CD79A: variants seen among roughly 807,000 people sequenced by gnomAD.
The protein encoded by CD79A is B-cell antigen receptor complex-associated protein alpha chain.
In CD79A, 16 loss-of-function variants were observed where a neutral mutation model predicts 27.4. That is an observed-to-expected ratio of 0.58 (90% CI 0.40 to 0.89). CD79A has a LOEUF of 0.89. Ranked by LOEUF, CD79A falls within the 40% of genes least tolerant of loss-of-function variation. The pLI is 0.00. For missense variants in CD79A, 237 were observed against 299.7 expected, an observed-to-expected ratio of 0.79 and a Z score of 1.55; for synonymous variants, 110 against 132.7, an observed-to-expected ratio of 0.83 and a Z score of 1.18.
At position 41,877,280 on chromosome 19, in the gene CD79A, A is replaced by T. The variant is rs1555843071; in HGVS notation, c.-25A>T. ...TGGTACCCTGGGACTGCTGCAACTCAAACTAACCAACCCACTGGGAGAAGA... is the reference window on the plus strand; with the variant it reads ...TGGTACCCTGGGACTGCTGCAACTCTAACTAACCAACCCACTGGGAGAAGA... On this transcript the variant is annotated 5_prime_UTR_variant, in exon 1 of 5. Coordinates refer to ENST00000221972, the MANE Select transcript of CD79A (RefSeq NM_001783.4). This position sits in a 1 kb window ranked among gnomAD's most constrained non-coding sequence, Gnocchi z 4.1. The T allele has an allele frequency of 3.1e-6, 5 of 1,603,902 alleles. No homozygotes were observed. In the Admixed American group the frequency reaches 8.3e-5, roughly 27 times the overall value.
At position 41,877,808 on chromosome 19, in the gene CD79A, A is replaced by G. The variant is rs1306608820; in HGVS notation, c.79+425A>G. ...CTCTCTCTGTTGGGAGTCCCTTCTC[A>G]GCACTGGGGGAATGGGTGTCTCATG... On this transcript the variant is annotated intron_variant, in intron 1 of 4. Coordinates refer to ENST00000221972, the MANE Select transcript of CD79A (RefSeq NM_001783.4). This position sits in a 1 kb window ranked among gnomAD's most constrained non-coding sequence, Gnocchi z 4.1. Among the ~76,000 whole-genome samples, 1 of 152,146 alleles carries G rather than the reference A, an allele frequency of 6.6e-6. No individual in the cohort carries two copies. The highest frequency in any genetic ancestry group is 1.5e-5 in the Non-Finnish European group (1 of 68,008).
rs1346493477 is a variant in CD79A, at chr19:41,878,266, G to A, written c.80-724G>A. 1.3e-5 allele frequency among the ~76,000 whole-genome samples: 2 copies of A among 152,164 alleles called. No homozygotes were observed. Among genetic ancestry groups the A allele is most frequent in the Admixed American group, 6.5e-5 (1 of 15,280 alleles). On this transcript the variant is annotated intron_variant, in intron 1 of 4. Transcript: ENST00000221972. This position sits in a 1 kb window ranked among gnomAD's most constrained non-coding sequence, Gnocchi z 4.3. ...ACACATACAACTTACAGAGAATGAG[G>A]GCCAGGCACAGGGTCACAGGCCAGG...
In CD79A at chr19:41,879,285, G is replaced by A. The variant is rs1600631350; in HGVS notation, c.375G>A (p.Val125=). The change falls in exon 2 of 5, where the codon GTG becomes GTA. Residue 125 remains valine, a synonymous_variant. Coordinates refer to ENST00000221972, the MANE Select transcript of CD79A (RefSeq NM_001783.4). The surrounding 1 kb of genome is among the most constrained non-coding windows in gnomAD (Gnocchi z 5.1). ...AGTCCTGCGGCACCTACCTCCGCGT[G>A]CGCCGTGAGTGGCCCAGCCCTGGCC... ...YQQSCGTYLR[V]RQPPPRPFLD... The A allele has an allele frequency of 1.9e-6, 3 of 1,612,038 alleles. No homozygotes were observed. The highest frequency in any genetic ancestry group is 2.5e-6 in the Non-Finnish European group (3 of 1,179,890).
Position 41,878,875 on chromosome 19 carries a change from C to T in CD79A, c.80-115C>T. ...CTGTCAGGGGCTCTCTCTCTCCCTC[C>T]CCACCCAGGAGAGTCCTCACCCTCT... On this transcript the variant is annotated intron_variant, in intron 1 of 4. Transcript: ENST00000221972. The surrounding 1 kb of genome is among the most constrained non-coding windows in gnomAD (Gnocchi z 4.3). 1.2e-6 allele frequency: 1 copy of T among 804,404 alleles called. No individual in the cohort carries two copies. The highest frequency in any genetic ancestry group is 2.0e-6 in the Non-Finnish European group (1 of 493,430). 49.8% of individuals were successfully genotyped at this position (804,404 alleles called of 1,614,324 possible).
In CD79A at chr19:41,879,539, G is replaced by A. The variant is rs782014534; in HGVS notation, c.384G>A (p.Pro128=). The A allele has an allele frequency of 1.4e-5, 23 of 1,601,238 alleles. No individual in the cohort carries two copies. In the East Asian group the frequency reaches 2.2e-4, roughly 16 times the overall value. Residue 128 remains proline, a synonymous_variant, in exon 3 of 5, where the codon CCG becomes CCA. Transcript: ENST00000221972. The surrounding 1 kb of genome is among the most constrained non-coding windows in gnomAD (Gnocchi z 5.1). The part of the protein sequence containing the change: ...SCGTYLRVRQ[P]PPRPFLDMGE... ...AGCCATACTACCTCCTTGCAGAGCCGCCCCCCAGGCCCTTCCTGGACATGG... is the reference window on the plus strand; with the variant it reads ...AGCCATACTACCTCCTTGCAGAGCCACCCCCCAGGCCCTTCCTGGACATGG...
In CD79A at chr19:41,877,839, C is replaced by T. The variant is rs2074198126; in HGVS notation, c.79+456C>T. Reference sequence around the variant, plus strand: ...GGGGGAATGGGTGTCTCATGGACTCCCCCTCACCTGCTCAAGGACAGCTGG... The same window carrying T: ...GGGGGAATGGGTGTCTCATGGACTCTCCCTCACCTGCTCAAGGACAGCTGG... On this transcript the variant is annotated intron_variant, in intron 1 of 4. Transcript: ENST00000221972. This position sits in a 1 kb window ranked among gnomAD's most constrained non-coding sequence, Gnocchi z 4.1. Among the ~76,000 whole-genome samples the T allele has an allele frequency of 6.6e-6, 1 of 152,112 alleles. No individual in the cohort carries two copies. The highest frequency in any genetic ancestry group is 1.5e-5 in the Non-Finnish European group (1 of 68,004).
rs2074221375 is a variant in CD79A at position 41,881,002 on chromosome 19, GC to G, written c.*27del. The G allele has an allele frequency of 2.2e-6, 3 of 1,392,294 alleles. No individual in the cohort carries two copies. Among genetic ancestry groups the G allele is most frequent in the South Asian group, 2.5e-5 (2 of 81,396 alleles). 86.2% of individuals were successfully genotyped at this position (1,392,294 alleles called of 1,614,324 possible). ...GTGACACCCCTACTCCTGCCAGGCT[GC>G]CCCCGCCTGCTGTGCACCCAGCTCC... On this transcript the variant is annotated 3_prime_UTR_variant, in exon 5 of 5. Coordinates refer to ENST00000221972, the MANE Select transcript of CD79A (RefSeq NM_001783.4).
chr19:41,879,395 G>A lies in CD79A; in HGVS notation c.379+106G>A, dbSNP rs782316760. On this transcript the variant is annotated intron_variant, in intron 2 of 4. Transcript: ENST00000221972. The surrounding 1 kb of genome is among the most constrained non-coding windows in gnomAD (Gnocchi z 5.1). ...GTACCTTCAATGTGGGTTTCAAACCGGCTTGGACAGAGGGACGGACATTCT... is the reference window on the plus strand; with the variant it reads ...GTACCTTCAATGTGGGTTTCAAACCAGCTTGGACAGAGGGACGGACATTCT... 15 of 1,297,226 alleles carry A rather than the reference G, an allele frequency of 1.2e-5. No homozygotes were observed. The highest frequency in any genetic ancestry group is 2.0e-5 in the Admixed American group (1 of 51,150). The allele number at this position is 1,297,226 out of a possible 1,614,324, so 80.4% of individuals were successfully genotyped here. A position where few individuals can be genotyped will look rare whatever the true frequency, so the allele number is the denominator to read the frequency against.
In CD79A at chr19:41,879,516, C is replaced by T; in HGVS notation, c.380-19C>T. 1 of 1,545,522 alleles carries T rather than the reference C, an allele frequency of 6.5e-7. No homozygotes were observed. On this transcript the variant is annotated intron_variant, in intron 2 of 4. Coordinates refer to ENST00000221972, the MANE Select transcript of CD79A (RefSeq NM_001783.4). This position sits in a 1 kb window ranked among gnomAD's most constrained non-coding sequence, Gnocchi z 5.1. ...GGGCAAGAGGGGCCAGGGCTCTGAG[C>T]CATACTACCTCCTTGCAGAGCCGCC...
Position 41,878,852 on chromosome 19 carries a change from G to A in CD79A, c.80-138G>A. ...CTCTCCCCAGGATGTATCAGCCCCT[G>A]TCAGGGGCTCTCTCTCTCCCTCCCC... On this transcript the variant is annotated intron_variant, in intron 1 of 4. Transcript: ENST00000221972. This position sits in a 1 kb window ranked among gnomAD's most constrained non-coding sequence, Gnocchi z 4.3. The A allele has an allele frequency of 1.5e-6, 1 of 687,010 alleles. No individual in the cohort carries two copies. Among genetic ancestry groups the A allele is most frequent in the South Asian group, 1.7e-5 (1 of 58,378 alleles). The allele number at this position is 687,010 out of a possible 1,614,324, so 42.6% of individuals were successfully genotyped here. A position where few individuals can be genotyped will look rare whatever the true frequency, so the allele number is the denominator to read the frequency against.
At position 41,878,131 on chromosome 19, in the gene CD79A, G is replaced by A. The variant is rs970210190; in HGVS notation, c.79+748G>A. On this transcript the variant is annotated intron_variant, in intron 1 of 4. Coordinates refer to ENST00000221972, the MANE Select transcript of CD79A (RefSeq NM_001783.4). The surrounding 1 kb of genome is among the most constrained non-coding windows in gnomAD (Gnocchi z 4.3). ...CCGGATTGGACACTGCAGCCAGCCT[G>A]AGCCGCCTCGTCTCACTCAGAGACA... Among the ~76,000 whole-genome samples, 1 of 152,072 alleles carries A rather than the reference G, an allele frequency of 6.6e-6. No homozygotes were observed. The highest frequency in any genetic ancestry group is 1.5e-5 in the Non-Finnish European group (1 of 68,010).
rs1555843732 is a variant in CD79A at position 41,879,583 on chromosome 19, G to A, written c.428G>A (p.Arg143Gln). ...FLDMGEGTKN[R>Q]IITAEGIILL... The stretch of plus-strand genomic sequence containing the variant: ...GACATGGGGGAGGGCACCAAGAACC[G>A]AATCATCACAGCCGAGGGGATCATC... The change falls in exon 3 of 5, where the codon CGA becomes CAA. Residue 143 changes from arginine to glutamine, a missense_variant. By Grantham distance (43) the Arg-to-Gln change is conservative (BLOSUM62 1). Coordinates refer to ENST00000221972, the MANE Select transcript of CD79A (RefSeq NM_001783.4). This position sits in a 1 kb window ranked among gnomAD's most constrained non-coding sequence, Gnocchi z 5.1. 8.7e-6 allele frequency: 14 copies of A among 1,612,098 alleles called. No homozygotes were observed. Among genetic ancestry groups the A allele is most frequent in the Admixed American group, 5.0e-5 (3 of 59,826 alleles).
intron 3 of CD79A, among the ~76,000 whole-genome samples, chr19:41,880,375 AAGAGAGAGAGAGAGAAAGAG>A (rs2074214088): frequency 1.4e-5 from 2 of 142,002 alleles, no homozygotes; most frequent in Non-Finnish European, 1.5e-5. Context: ...AGGGAGAAGA[AAGAGAGAGAGAGAGAAAGAG>A]AGAGAGAGAG....
rs2074203045 is a variant in CD79A, at chr19:41,878,774, C to G, written c.80-216C>G. Among the ~76,000 whole-genome samples the G allele has an allele frequency of 6.6e-6, 1 of 152,086 alleles. No individual in the cohort carries two copies. Among genetic ancestry groups the G allele is most frequent in the African/African-American group, 2.4e-5 (1 of 41,384 alleles). ...CCCAGGATATCCTCACCCACCCCAA[C>G]CAGGTATGTCCTCTCTCCTTCCCAG... On this transcript the variant is annotated intron_variant, in intron 1 of 4. Transcript: ENST00000221972. This position sits in a 1 kb window ranked among gnomAD's most constrained non-coding sequence, Gnocchi z 4.3.
chr19:41,881,114 AG>A lies in CD79A; in HGVS notation c.*137del. The A allele has an allele frequency of 1.4e-6, 1 of 715,190 alleles. No homozygotes were observed. The highest frequency in any genetic ancestry group is 2.5e-6 in the Non-Finnish European group (1 of 400,550). The allele number at this position is 715,190 out of a possible 1,614,324, so 44.3% of individuals were successfully genotyped here. A position where few individuals can be genotyped will look rare whatever the true frequency, so the allele number is the denominator to read the frequency against. On this transcript the variant is annotated 3_prime_UTR_variant, in exon 5 of 5. Coordinates refer to ENST00000221972, the MANE Select transcript of CD79A (RefSeq NM_001783.4). Reference sequence around the variant, plus strand: ...TCATATTCCCCCAGTGGGGGGTGGGAGGGTAACCTCACTCTTCTCCAGGCCA... The same window carrying A: ...TCATATTCCCCCAGTGGGGGGTGGGAGGTAACCTCACTCTTCTCCAGGCCA...
Position 41,877,972 on chromosome 19 carries a change from C to T in CD79A, c.79+589C>T, listed in dbSNP as rs2074198789. Among the ~76,000 whole-genome samples, 1 of 152,200 alleles carries T rather than the reference C, an allele frequency of 6.6e-6. No homozygotes were observed. The highest frequency in any genetic ancestry group is 1.5e-5 in the Non-Finnish European group (1 of 68,026). On this transcript the variant is annotated intron_variant, in intron 1 of 4. Coordinates refer to ENST00000221972, the MANE Select transcript of CD79A (RefSeq NM_001783.4). This position sits in a 1 kb window ranked among gnomAD's most constrained non-coding sequence, Gnocchi z 4.1. ...TCACGTCTGAGTCTTAAGCCCGTGA[C>T]GATGAGGGTGCTCGGCCCCTCTCCC...
Position 41,878,907 on chromosome 19 carries a change from G to C in CD79A, c.80-83G>C. On this transcript the variant is annotated intron_variant, in intron 1 of 4. Transcript: ENST00000221972. The surrounding 1 kb of genome is among the most constrained non-coding windows in gnomAD (Gnocchi z 4.3). ...AGGAGAGTCCTCACCCTCTTCCCAG[G>C]AGTGCTGGAACTGCAGGGGCCAGGG... 8.8e-7 allele frequency: 1 copy of C among 1,138,378 alleles called. No homozygotes were observed. Among genetic ancestry groups the C allele is most frequent in the South Asian group, 1.3e-5 (1 of 77,490 alleles). The allele number at this position is 1,138,378 out of a possible 1,614,324, so 70.5% of individuals were successfully genotyped here.
chr19:41,877,584 G>A lies in CD79A; in HGVS notation c.79+201G>A, dbSNP rs1228810929. Among the ~76,000 whole-genome samples, 3 of 152,258 alleles carry A rather than the reference G, an allele frequency of 2.0e-5. No individual in the cohort carries two copies. In the East Asian group the frequency reaches 5.8e-4, roughly 29 times the overall value. On this transcript the variant is annotated intron_variant, in intron 1 of 4. Coordinates refer to ENST00000221972, the MANE Select transcript of CD79A (RefSeq NM_001783.4). This position sits in a 1 kb window ranked among gnomAD's most constrained non-coding sequence, Gnocchi z 4.1. ...CTGGAGGGAGCCCAGCGAAGGAGAA[G>A]GGGCGTCCACAGTCTCACACAGGGA...
In CD79A at chr19:41,880,910, G is replaced by A. The variant is rs782624281; in HGVS notation, c.611G>A (p.Arg204Gln). 4.4e-6 allele frequency: 7 copies of A among 1,605,078 alleles called. No homozygotes were observed. The highest frequency in any genetic ancestry group is 2.2e-5 in the East Asian group (1 of 44,644). The change falls in exon 5 of 5, where the codon CGG (arginine) becomes CAG (glutamine). Residue 204 changes from arginine (R) to glutamine (Q), a missense_variant. Physicochemically the swap from Arg to Gln is conservative, Grantham distance 43. Coordinates refer to ENST00000221972, the MANE Select transcript of CD79A (RefSeq NM_001783.4). ...TGCTCCATGTATGAGGACATCTCCC[G>A]GGGCCTCCAGGGCACCTACCAGGAT... ...DDCSMYEDISRGLQGTYQDVG... is the reference protein window; with the variant it reads ...DDCSMYEDISQGLQGTYQDVG...
Sources: allele counts gnomAD v4.1 joint callset (sites outside exome capture counted in the v4.1 genomes callset), GRCh38; gene constraint gnomAD v4.1.1; non-coding constraint Gnocchi (gnomAD v3.1); transcripts MANE v1.5; gene names NCBI Gene and HGNC (gene_info 2026-07-23, HGNC 2026-07-21).